ST7: variants seen among roughly 807,000 people sequenced by gnomAD.
The protein encoded by ST7 is suppressor of tumorigenicity 7 protein.
ST7 carries 28 observed loss-of-function variants against 78.7 expected under a neutral mutation model. The ratio of observed to expected loss-of-function variants is 0.36; its 90% CI spans 0.26 to 0.49. ST7 has a LOEUF of 0.49. Ranked by LOEUF, ST7 falls within the 20% of genes least tolerant of loss-of-function variation. The pLI, the probability that ST7 is intolerant of heterozygous loss-of-function variation, is 0.99. For missense variants in ST7, 418 were observed against 696.0 expected (o/e 0.60, Z 4.49); for synonymous variants, 247 against 249.6 (o/e 0.99, Z 0.10).
chr7:117,038,693 T>A (rs1340542925), intron 1 of ST7, among the ~76,000 whole-genome samples: 1 of 152,194 alleles, frequency 6.6e-6, no homozygotes, highest in East Asian at 1.9e-4. Context: ...TAAACATGTA[T>A]CGAGCACTTG....
intron 14 of ST7, 99 bp from the exon 15 acceptor site, chr7:117,221,824 A>G: frequency 1.5e-6 from 2 of 1,345,852 alleles, no homozygotes; most frequent in Non-Finnish European, 2.0e-6. Flanking sequence ...TAGGCTTCCA[A>G]CTCTTTCCCA....
At chr7:117,074,248 A>G (rs1287567599) in intron 1 of ST7, among the ~76,000 whole-genome samples, 1 of 152,068 alleles carries the variant, frequency 6.6e-6, no homozygotes, top group Non-Finnish European at 1.5e-5. Context: ...AAAATTAGCC[A>G]GGTGTGGTGG....
At chr7:116,982,847 G>A (rs1216653952) in intron 1 of ST7, among the ~76,000 whole-genome samples, 2 of 152,134 alleles carry the variant, frequency 1.3e-5, no homozygotes, top group African/African-American at 4.8e-5. Context: ...GGGAGAGTAA[G>A]GGAATATATG....
chr7:117,060,129 A>G (rs1798275251), intron 1 of ST7, among the ~76,000 whole-genome samples: 1 of 152,196 alleles, frequency 6.6e-6, no homozygotes, highest in Admixed American at 6.5e-5. Context: ...TGATCAGCAT[A>G]ACCAGTTGAC....
intron 1 of ST7, among the ~76,000 whole-genome samples, chr7:117,031,754 A>G (rs71544778): frequency 0.015 from 56 of 3,758 alleles, 22 homozygotes; most frequent in African/African-American, 0.024. Flanking sequence ...ATATATATGC[A>G]TATATGTGTA....
chr7:117,093,507 C>A (rs961869051), intron 1 of ST7, among the ~76,000 whole-genome samples: 1 of 152,110 alleles, frequency 6.6e-6, no homozygotes, highest in Non-Finnish European at 1.5e-5. Context: ...TTGAGACTAG[C>A]CTGGTTAACA....
At chr7:116,961,698 C>A (rs1464538560) in intron 1 of ST7, among the ~76,000 whole-genome samples, 2 of 150,942 alleles carry the variant, frequency 1.3e-5, no homozygotes, top group African/African-American at 2.4e-5. Flanking sequence ...GATTTTATAT[C>A]CTGAGACTTT....
chr7:117,129,929 TA>T (rs1737586412), intron 4 of ST7, 82 bp downstream of exon 4: 3 of 1,109,088 alleles, frequency 2.7e-6, no homozygotes, highest in Non-Finnish European at 4.0e-6. Context: ...CTGGTTCATT[TA>T]GGGGTCATTG....
chr7:117,229,669 G>A (rs928649107), intron 15 of ST7, 93 bp from the exon 16 acceptor site: 7 of 1,016,108 alleles, frequency 6.9e-6, no homozygotes, highest in African/African-American at 4.8e-5. Context: ...TCGTAATGCA[G>A]AGACTTAAGC....
intron 2 of ST7, among the ~76,000 whole-genome samples, chr7:117,113,486 A>G (rs1802599484): frequency 6.6e-6 from 1 of 152,060 alleles, no homozygotes; most frequent in Non-Finnish European, 1.5e-5. Context: ...TGGAGGAAAC[A>G]TTTTTTCTTT....
In ST7 at chr7:117,219,297, C is replaced by T; in HGVS notation, c.1498+121C>T. 1.2e-6 allele frequency: 1 copy of T among 813,580 alleles called. No individual in the cohort carries two copies. The highest frequency in any genetic ancestry group is 1.7e-5 in the South Asian group (1 of 57,790). 50.4% of individuals were successfully genotyped at this position (813,580 alleles called of 1,614,324 possible). A position where few individuals can be genotyped will look rare whatever the true frequency, so the allele number is the denominator to read the frequency against. On this transcript the variant is annotated intron_variant, in intron 14 of 15. Coordinates refer to ENST00000323984, the MANE Select transcript of ST7 (RefSeq NM_001369598.1). This position sits in a 1 kb window ranked among gnomAD's most constrained non-coding sequence, Gnocchi z 5.1. ...TTATTACTTTTCTCCAAACCCCTGT[C>T]CTTGTTTGATAGCATATGTATTAAA...
intron 1 of ST7, among the ~76,000 whole-genome samples, chr7:117,011,947 A>G (rs1795402257): frequency 1.3e-5 from 2 of 152,144 alleles, no homozygotes; most frequent in African/African-American, 4.8e-5. Context: ...GTCAGTGTTT[A>G]TAGAGTCTAG....
intron 10 of ST7, among the ~76,000 whole-genome samples, chr7:117,181,912 TA>T (rs1808800511): frequency 6.6e-6 from 1 of 152,234 alleles, no homozygotes; most frequent in African/African-American, 2.4e-5. Context: ...TTTACATCTT[TA>T]TTTAAACAAA....
At chr7:117,041,996 G>A (rs1356128651) in intron 1 of ST7, among the ~76,000 whole-genome samples, 1 of 152,188 alleles carries the variant, frequency 6.6e-6, no homozygotes, top group African/African-American at 2.4e-5. Flanking sequence ...TGCCTTTGCT[G>A]GGTTTGAAGA....
rs183527061 is a variant in ST7 at position 117,188,998 on chromosome 7, A to G, written c.1079-323A>G. On this transcript the variant is annotated intron_variant, in intron 10 of 15. Transcript: ENST00000323984. ...CATGTCTTTCACATCAAGGATATTC[A>G]TGTGATATCTAAATGTATATATTTA... Among the ~76,000 whole-genome samples the G allele has an allele frequency of 5.9e-3, 893 of 152,306 alleles. 6 individuals are homozygous for G. The highest frequency in any genetic ancestry group is 9.7e-3 in the Non-Finnish European group (661 of 68,008).
chr7:117,023,113 T>G (rs1336061407), intron 1 of ST7: 2 of 152,224 alleles, frequency 1.3e-5, no homozygotes, highest in Non-Finnish European at 2.9e-5. Context: ...GTCTTCATTT[T>G]CAAATATTGT....
intron 3 of ST7, among the ~76,000 whole-genome samples, chr7:117,129,333 C>T (rs1804141135): frequency 6.6e-6 from 1 of 151,834 alleles, no homozygotes; most frequent in African/African-American, 2.4e-5. Flanking sequence ...TCACTGTTAG[C>T]ATGAACCCAA....
chr7:116,978,014 T>C (rs1301059410), intron 1 of ST7, among the ~76,000 whole-genome samples: 1 of 152,188 alleles, frequency 6.6e-6, no homozygotes, highest in Admixed American at 6.5e-5. Flanking sequence ...ATTTCTCACT[T>C]CTCTCCTCAG....
chr7:116,996,066 C>T (rs1794636555), intron 1 of ST7, among the ~76,000 whole-genome samples: 1 of 149,256 alleles, frequency 6.7e-6, no homozygotes, highest in African/African-American at 2.5e-5. Flanking sequence ...CTGGTGTTAA[C>T]TCTTGCAGAT....
Sources: allele counts gnomAD v4.1 joint callset (sites outside exome capture counted in the v4.1 genomes callset), GRCh38; gene constraint gnomAD v4.1.1; non-coding constraint Gnocchi (gnomAD v3.1); transcripts MANE v1.5; gene names NCBI Gene and HGNC (gene_info 2026-07-23, HGNC 2026-07-21).